Variants in PAPPA observed in about 807,000 individuals in gnomAD.
The protein encoded by PAPPA is pappalysin 1, also known as pappalysin-1.
In PAPPA, 60 loss-of-function variants were observed where a neutral mutation model predicts 164.0. The observed-to-expected ratio is 0.37, with a 90% CI of 0.30 to 0.45. PAPPA has a LOEUF of 0.45. Among genes scored for constraint, PAPPA ranks in the 20% least tolerant of loss-of-function variants. The pLI is 1.00. For missense variants in PAPPA, 1,782 were observed against 2,087.3 expected, an observed-to-expected ratio of 0.85 and a Z score of 2.85; for synonymous variants, 875 against 814.1, an observed-to-expected ratio of 1.07 and a Z score of -1.27.
At chr9:116,371,753 T>G (rs759695224) in intron 19 of PAPPA, among the ~76,000 whole-genome samples, 9 of 152,144 alleles carry the variant, frequency 5.9e-5, no homozygotes, top group Non-Finnish European at 1.3e-4. Flanking sequence ...GCATTATAAA[T>G]TGTTTTGGGT....
intron 8 of PAPPA, among the ~76,000 whole-genome samples, chr9:116,268,178 A>G (rs930036161): frequency 1.3e-5 from 2 of 152,198 alleles, no homozygotes; most frequent in South Asian, 2.1e-4. Flanking sequence ...TGACTCCTCA[A>G]GCACAGAATA....
intron 18 of PAPPA, among the ~76,000 whole-genome samples, chr9:116,365,117 C>T (rs1313953779): frequency 2.6e-5 from 4 of 152,172 alleles, no homozygotes. Flanking sequence ...CAGGCTGAGC[C>T]CTTCCCTGAG....
At chr9:116,241,279 CTT>C (rs932998888) in intron 7 of PAPPA, among the ~76,000 whole-genome samples, 4 of 152,124 alleles carry the variant, frequency 2.6e-5, no homozygotes, top group African/African-American at 9.7e-5. Context: ...GCAAGAAAAA[CTT>C]TTTGTTTCAT....
chr9:116,287,654 A>G (rs1298716935), intron 9 of PAPPA: 3 of 152,204 alleles, frequency 2.0e-5, no homozygotes, highest in African/African-American at 7.2e-5. Flanking sequence ...TTTTAGACCA[A>G]CTGTACTTTG....
chr9:116,249,746 G>A lies in PAPPA; in HGVS notation c.2732+14109G>A, dbSNP rs112239226. ...AGGAGGAGGCAGGTGAGTGTGTTAT[G>A]AAAGATGCCTGTGTTACTGGCATCA... On this transcript the variant is annotated intron_variant, in intron 7 of 21. Coordinates refer to ENST00000328252, the MANE Select transcript of PAPPA (RefSeq NM_002581.5). 1.9e-4 allele frequency among the ~76,000 whole-genome samples: 29 copies of A among 152,250 alleles called. 1 individual carries two copies. The highest frequency in any genetic ancestry group is 7.0e-4 in the African/African-American group (29 of 41,530).
chr9:116,234,323 A>G (rs1462144641), intron 6 of PAPPA, among the ~76,000 whole-genome samples: 1 of 151,564 alleles, frequency 6.6e-6, no homozygotes, highest in East Asian at 1.9e-4. Context: ...TCCTCACCCA[A>G]CCCTCCCCTT....
chr9:116,246,875 G>T (rs1004634564), intron 7 of PAPPA, among the ~76,000 whole-genome samples: 1 of 151,980 alleles, frequency 6.6e-6, no homozygotes, highest in Non-Finnish European at 1.5e-5. Flanking sequence ...TAATAATTTA[G>T]TCAGGTATAG....
intron 10 of PAPPA, among the ~76,000 whole-genome samples, chr9:116,309,913 T>C (rs1430276722): frequency 1.3e-5 from 2 of 152,052 alleles, no homozygotes; most frequent in Non-Finnish European, 2.9e-5. Flanking sequence ...TTTGCATAGA[T>C]TTCAGAACAA....
chr9:116,332,230 G>C, intron 11 of PAPPA, 103 bp from the exon 12 acceptor site: 1 of 976,150 alleles, frequency 1.0e-6, no homozygotes. Flanking sequence ...TAGTAGCCCA[G>C]TTCTTAAAAA....
intron 7 of PAPPA, among the ~76,000 whole-genome samples, chr9:116,262,736 A>C (rs1845017631): frequency 6.6e-6 from 1 of 152,172 alleles, no homozygotes; most frequent in African/African-American, 2.4e-5. Context: ...ACAGGAGGGG[A>C]AGGAGTTCAA....
intron 10 of PAPPA, among the ~76,000 whole-genome samples, chr9:116,308,272 T>A (rs1261549998): frequency 6.6e-6 from 1 of 151,880 alleles, no homozygotes; most frequent in Non-Finnish European, 1.5e-5. Flanking sequence ...CTAGAGGGAG[T>A]TTCCCCGAGG....
intron 1 of PAPPA, among the ~76,000 whole-genome samples, chr9:116,156,686 T>G (rs1446710829): frequency 6.6e-6 from 1 of 152,152 alleles, no homozygotes; most frequent in Admixed American, 6.5e-5. Flanking sequence ...CTAGTTGAGT[T>G]GGAGCCAGAT....
chr9:116,178,989 T>C (rs1186900981), intron 1 of PAPPA, among the ~76,000 whole-genome samples: 1 of 152,226 alleles, frequency 6.6e-6, no homozygotes, highest in Non-Finnish European at 1.5e-5. Context: ...CTGTGTATTA[T>C]TAAAACTTAT....
intron 21 of PAPPA, among the ~76,000 whole-genome samples, chr9:116,389,786 CCA>C (rs1394580534): frequency 6.6e-6 from 1 of 151,874 alleles, no homozygotes; most frequent in African/African-American, 2.4e-5. Flanking sequence ...CCTGGCACTC[CCA>C]CACTCATTTG....
intron 10 of PAPPA, among the ~76,000 whole-genome samples, chr9:116,319,654 A>G (rs535199208): frequency 1.5e-4 from 23 of 152,280 alleles, no homozygotes; most frequent in Admixed American, 7.2e-4. Context: ...TAAGATCAGC[A>G]TGTACACTGT....
chr9:116,336,679 A>G (rs1846066253), intron 13 of PAPPA, among the ~76,000 whole-genome samples: 1 of 152,202 alleles, frequency 6.6e-6, no homozygotes, highest in Non-Finnish European at 1.5e-5. Context: ...ATCGATTGAT[A>G]CGTATTTGTT....
At chr9:116,198,427 A>G (rs553667912) in intron 2 of PAPPA, among the ~76,000 whole-genome samples, 1 of 152,236 alleles carries the variant, frequency 6.6e-6, no homozygotes, top group Non-Finnish European at 1.5e-5. Flanking sequence ...TAGTTTGTGC[A>G]TGAGTGTGTG....
At chr9:116,310,142 G>A (rs924870748) in intron 10 of PAPPA, among the ~76,000 whole-genome samples, 2 of 152,182 alleles carry the variant, frequency 1.3e-5, no homozygotes, top group African/African-American at 4.8e-5. Context: ...AAGAAATCCT[G>A]TGCTCTATAC....
intron 2 of PAPPA, among the ~76,000 whole-genome samples, chr9:116,195,891 ATT>A (rs34757510): frequency 2.6e-5 from 4 of 151,938 alleles, no homozygotes; most frequent in Admixed American, 2.6e-4. Context: ...TTTTTAAAAT[ATT>A]TTTTTTAATT....
Sources: allele counts gnomAD v4.1 joint callset (sites outside exome capture counted in the v4.1 genomes callset), GRCh38; gene constraint gnomAD v4.1.1; transcripts MANE v1.5; gene names NCBI Gene and HGNC (gene_info 2026-07-23, HGNC 2026-07-21).